Variants in RARB observed in about 807,000 individuals in gnomAD.
RARB encodes the protein HBV-activated protein.
In RARB, 17 loss-of-function variants were observed where a neutral mutation model predicts 51.9. The observed-to-expected ratio is 0.33, with a 90% CI of 0.22 to 0.49. The LOEUF (loss-of-function observed/expected upper bound fraction) is 0.49. RARB is among the 20% of genes least tolerant of loss of function. The pLI is 0.99. For synonymous variants in RARB, 215 were observed against 195.4 expected (o/e 1.10, Z -0.84); for missense variants, 369 against 550.8 (o/e 0.67, Z 3.30).
In RARB at chr3:25,597,361, C is replaced by CTTTAAATTAAAAGTGGTTTATTACTTG; in HGVS notation, c.*751_*777dup. 6.6e-6 allele frequency: 1 copy of CTTTAAATTAAAAGTGGTTTATTACTTG among 152,428 alleles called. No individual in the cohort carries two copies. The highest frequency in any genetic ancestry group is 1.9e-4 in the East Asian group (1 of 5,170). The allele number at this position is 152,428 out of a possible 1,614,324, so 9.4% of individuals were successfully genotyped here. A position where few individuals can be genotyped will look rare whatever the true frequency, so the allele number is the denominator to read the frequency against. ...GTCATTTGTTCAATTGTTAATGTCACTTTAAATTAAAAGTGGTTTATTACT... is the reference window on the plus strand; with the variant it reads ...GTCATTTGTTCAATTGTTAATGTCACTTTAAATTAAAAGTGGTTTATTACTTGTTTAAATTAAAAGTGGTTTATTACT... On this transcript the variant is annotated 3_prime_UTR_variant, in exon 8 of 8. Transcript: ENST00000330688.
intron 2 of RARB, among the ~76,000 whole-genome samples, chr3:25,048,928 A>G (rs921217725): frequency 6.6e-6 from 1 of 151,644 alleles, no homozygotes; most frequent in African/African-American, 2.4e-5. Context: ...AACTTTTTGT[A>G]TTTTTAGTAG....
intron 2 of RARB, among the ~76,000 whole-genome samples, chr3:25,500,094 A>G (rs1697220190): frequency 6.6e-6 from 1 of 152,236 alleles, no homozygotes; most frequent in African/African-American, 2.4e-5. Flanking sequence ...TTCTGCAATG[A>G]TGAAAATATT....
intron 5 of RARB, among the ~76,000 whole-genome samples, chr3:25,208,610 T>A (rs1701618531): frequency 6.6e-6 from 1 of 152,236 alleles, no homozygotes; most frequent in African/African-American, 2.4e-5. Context: ...GTCTATTCTT[T>A]TTTTTTCTAG....
chr3:25,479,531 A>G (rs1188878290), intron 2 of RARB, among the ~76,000 whole-genome samples: 1 of 152,224 alleles, frequency 6.6e-6, no homozygotes, highest in African/African-American at 2.4e-5. Flanking sequence ...TTTTGTTCGA[A>G]TCCTTATAAG....
In RARB at chr3:25,597,772, G is replaced by A. The variant is rs1365969180; in HGVS notation, c.*1156G>A. On this transcript the variant is annotated 3_prime_UTR_variant, in exon 8 of 8. Transcript: ENST00000330688. ...TCTTAGTTCTCATTTAAGCACTAGT[G>A]GAATTTTTTTTTTTTGATATATTAG... 3 of 130,794 alleles carry A rather than the reference G, an allele frequency of 2.3e-5. No homozygotes were observed. Among genetic ancestry groups the A allele is most frequent in the Non-Finnish European group, 4.9e-5 (3 of 60,758 alleles). The allele number at this position is 130,794 out of a possible 1,614,324, so 8.1% of individuals were successfully genotyped here. A position where few individuals can be genotyped will look rare whatever the true frequency, so the allele number is the denominator to read the frequency against.
In RARB at chr3:25,199,049, C is replaced by A. The variant is rs115826779; in HGVS notation, c.178+24474C>A. On this transcript the variant is annotated intron_variant, in intron 5 of 11. Transcript: ENST00000383772. ...AAGATTTGGTGGCGACCTAAGTGTCCATCAGCAGATGAATGGATAAAGGAA... is the reference window on the plus strand; with the variant it reads ...AAGATTTGGTGGCGACCTAAGTGTCAATCAGCAGATGAATGGATAAAGGAA... Among the ~76,000 whole-genome samples, 995 of 152,192 alleles carry A rather than the reference C, an allele frequency of 6.5e-3. 8 individuals are homozygous for A. The highest frequency in any genetic ancestry group is 0.022 in the African/African-American group (893 of 41,532).
intron 2 of RARB, among the ~76,000 whole-genome samples, chr3:25,487,772 T>G (rs1285794745): frequency 6.6e-6 from 1 of 152,228 alleles, no homozygotes; most frequent in Non-Finnish European, 1.5e-5. Flanking sequence ...GCATTACTTT[T>G]GTGTCACTGC....
intron 2 of RARB, among the ~76,000 whole-genome samples, chr3:24,993,397 A>C (rs1169291259): frequency 4.6e-5 from 7 of 152,070 alleles, no homozygotes; most frequent in Non-Finnish European, 1.0e-4. Flanking sequence ...CTATGGTTTA[A>C]ATTTTCAAAG....
intron 5 of RARB, among the ~76,000 whole-genome samples, chr3:25,352,065 C>G (rs1705589863): frequency 1.3e-5 from 2 of 152,178 alleles, no homozygotes; most frequent in African/African-American, 4.8e-5. Context: ...TGTCCCAAAA[C>G]CAGCTGTGAG....
intron 2 of RARB, among the ~76,000 whole-genome samples, chr3:25,049,365 C>G (rs886743567): frequency 7.9e-5 from 12 of 152,144 alleles, no homozygotes; most frequent in Admixed American, 4.6e-4. Context: ...AAAAGTTTGC[C>G]AAGTATCGAT....
chr3:24,873,487 T>C (rs1275307842), intron 2 of RARB, among the ~76,000 whole-genome samples: 1 of 152,108 alleles, frequency 6.6e-6, no homozygotes. Context: ...TTCTTAGTTA[T>C]TCTTGACAGA....
intron 3 of RARB, among the ~76,000 whole-genome samples, chr3:25,560,504 G>A (rs756485965): frequency 8.5e-5 from 13 of 152,134 alleles, no homozygotes; most frequent in East Asian, 5.8e-4. Flanking sequence ...CTCAGAAAAC[G>A]TTGAATCCCA....
intron 2 of RARB, among the ~76,000 whole-genome samples, chr3:24,908,663 G>GTTTTTTTTTTTTTT: frequency 1.1e-5 from 1 of 93,462 alleles, no homozygotes; most frequent in Non-Finnish European, 2.0e-5. Context: ...AACCACAACT[G>GTTTTTTTTTTTTTT]TTTTTTTTTT....
chr3:25,175,187 T>C (rs565715942), intron 5 of RARB, among the ~76,000 whole-genome samples: 2 of 152,244 alleles, frequency 1.3e-5, no homozygotes, highest in African/African-American at 2.4e-5. Flanking sequence ...GTTAGAATTC[T>C]CCAAGACTGA....
At chr3:24,937,912 G>C (rs997421701) in intron 2 of RARB, among the ~76,000 whole-genome samples, 5 of 152,176 alleles carry the variant, frequency 3.3e-5, no homozygotes, top group African/African-American at 1.2e-4. Context: ...CAGGGTGTCT[G>C]TGTTCTCTGA....
chr3:25,127,262 C>T (rs1306605587), intron 3 of RARB, among the ~76,000 whole-genome samples: 1 of 152,114 alleles, frequency 6.6e-6, no homozygotes, highest in Non-Finnish European at 1.5e-5. Flanking sequence ...CCCTGCAAAC[C>T]TCCCTCACCT....
At chr3:25,314,854 C>G (rs1296544089) in intron 5 of RARB, among the ~76,000 whole-genome samples, 2 of 152,142 alleles carry the variant, frequency 1.3e-5, no homozygotes, top group Non-Finnish European at 1.5e-5. Context: ...GCCTCCTCCC[C>G]TCTCTTGTAG....
intron 1 of RARB, among the ~76,000 whole-genome samples, chr3:25,448,883 C>T (rs997046665): frequency 1.3e-5 from 2 of 152,058 alleles, no homozygotes; most frequent in African/African-American, 4.8e-5. Flanking sequence ...TCCTCTCACC[C>T]CCCTCCACCC....
chr3:25,084,224 C>T (rs1035284871), intron 3 of RARB, among the ~76,000 whole-genome samples: 2 of 152,134 alleles, frequency 1.3e-5, no homozygotes, highest in African/African-American at 4.8e-5. Context: ...TGTTTGAGTT[C>T]CTCTTCTCTG....
Sources: allele counts gnomAD v4.1 joint callset (sites outside exome capture counted in the v4.1 genomes callset), GRCh38; gene constraint gnomAD v4.1.1; transcripts MANE v1.5; gene names NCBI Gene and HGNC (gene_info 2026-07-23, HGNC 2026-07-21).